Variants in CDYL2 observed in about 807,000 individuals in gnomAD.
CDYL2 encodes the protein chromodomain Y-like protein 2.
A neutral mutation model predicts 49.4 loss-of-function variants in CDYL2; 23 were observed. The ratio of observed to expected loss-of-function variants is 0.47; its 90% CI spans 0.34 to 0.66. CDYL2 has a LOEUF of 0.66. Among genes scored for constraint, CDYL2 ranks in the 30% least tolerant of loss-of-function variants. The pLI is 0.01. For synonymous variants in CDYL2, 360 were observed against 268.8 expected (o/e 1.34, Z -3.32); for missense variants, 678 against 656.4 (o/e 1.03, Z -0.36).
chr16:80,645,656 A>T (rs184431601), intron 2 of CDYL2, among the ~76,000 whole-genome samples: 114 of 152,288 alleles, frequency 7.5e-4, no homozygotes, highest in African/African-American at 2.4e-3. Context: ...AAGGATTATA[A>T]ATCATGCTGC....
intron 1 of CDYL2, among the ~76,000 whole-genome samples, chr16:80,733,679 A>G (rs193218110): frequency 5.3e-5 from 8 of 152,332 alleles, no homozygotes; most frequent in Admixed American, 5.2e-4. Flanking sequence ...CCACAAAGGA[A>G]GCTGCCCATA....
intron 1 of CDYL2, among the ~76,000 whole-genome samples, chr16:80,769,468 A>G (rs778713045): frequency 6.6e-6 from 1 of 152,228 alleles, no homozygotes; most frequent in Non-Finnish European, 1.5e-5. Flanking sequence ...GCCAAATAAA[A>G]GAAGAGTTAC....
At chr16:80,724,211 G>C (rs1337577358) in intron 1 of CDYL2, among the ~76,000 whole-genome samples, 1 of 145,498 alleles carries the variant, frequency 6.9e-6, no homozygotes, top group East Asian at 2.1e-4. Flanking sequence ...AGGAAGAGGA[G>C]AAGAAAGAGG....
At chr16:80,768,152 T>C (rs1476948904) in intron 1 of CDYL2, among the ~76,000 whole-genome samples, 8 of 152,170 alleles carry the variant, frequency 5.3e-5, no homozygotes, top group Non-Finnish European at 1.2e-4. Flanking sequence ...TCACAGCCCA[T>C]GTTCTTAGTA....
At chr16:80,617,665 C>T (rs976795509) in intron 4 of CDYL2, among the ~76,000 whole-genome samples, 8 of 152,114 alleles carry the variant, frequency 5.3e-5, no homozygotes, top group African/African-American at 1.9e-4. Flanking sequence ...CTTTCTAACC[C>T]CGGGAGCATC....
intron 1 of CDYL2, among the ~76,000 whole-genome samples, chr16:80,764,818 T>C (rs1186282420): frequency 6.6e-6 from 1 of 152,004 alleles, no homozygotes; most frequent in East Asian, 1.9e-4. Context: ...CCCAGCACTT[T>C]GTGAGGCCGA....
At position 80,612,051 on chromosome 16, in the gene CDYL2, C is replaced by T. The variant is rs1022899823; in HGVS notation, c.1218+575G>A. On this transcript the variant is annotated intron_variant, in intron 5 of 6. Transcript: ENST00000570137. The surrounding 1 kb of genome is among the most constrained non-coding windows in gnomAD (Gnocchi z 5.0). ...CCTTTCCCTCTTCTTGCTGGACATG[C>T]GCTGGGCTGCGTCTCCCGGCCTCCC... Among the ~76,000 whole-genome samples the T allele has an allele frequency of 5.9e-5, 9 of 152,200 alleles. No homozygotes were observed. The highest frequency in any genetic ancestry group is 1.9e-4 in the East Asian group (1 of 5,190).
intron 1 of CDYL2, among the ~76,000 whole-genome samples, chr16:80,792,530 T>C (rs963231444): frequency 1.3e-5 from 2 of 152,166 alleles, no homozygotes; most frequent in Non-Finnish European, 2.9e-5. Context: ...ACACCCAGGC[T>C]GCAACAAGAA....
chr16:80,773,511 T>A (rs1906976228), intron 1 of CDYL2, among the ~76,000 whole-genome samples: 1 of 152,168 alleles, frequency 6.6e-6, no homozygotes, highest in African/African-American at 2.4e-5. Context: ...TAGAATGCTG[T>A]GCCCAACAGC....
At chr16:80,674,261 G>C (rs901550692) in intron 2 of CDYL2, among the ~76,000 whole-genome samples, 1 of 152,142 alleles carries the variant, frequency 6.6e-6, no homozygotes, top group African/African-American at 2.4e-5. Context: ...AGCAATGCAC[G>C]TGTCTTCTTT....
intron 1 of CDYL2, among the ~76,000 whole-genome samples, chr16:80,712,446 C>T (rs967646575): frequency 6.6e-6 from 1 of 151,880 alleles, no homozygotes; most frequent in African/African-American, 2.4e-5. Context: ...CTCTCCATGT[C>T]GGCTGCGCCT....
At chr16:80,684,158 G>T (rs546294152) in intron 2 of CDYL2, among the ~76,000 whole-genome samples, 1 of 152,340 alleles carries the variant, frequency 6.6e-6, no homozygotes, top group Admixed American at 6.5e-5. Flanking sequence ...TCTGCACTGT[G>T]CCCTGGGAGG....
intron 1 of CDYL2, among the ~76,000 whole-genome samples, chr16:80,768,225 T>C (rs1906789969): frequency 6.6e-6 from 1 of 152,090 alleles, no homozygotes; most frequent in African/African-American, 2.4e-5. Context: ...CCTGACAATA[T>C]CCGAAACTTG....
chr16:80,650,560 TG>T (rs1320244521), intron 2 of CDYL2, among the ~76,000 whole-genome samples: 5 of 152,304 alleles, frequency 3.3e-5, no homozygotes, highest in African/African-American at 7.2e-5. Flanking sequence ...AACAGTTGGA[TG>T]GTTCCTCAAA....
chr16:80,688,483 C>T (rs1014084899), intron 1 of CDYL2, among the ~76,000 whole-genome samples: 17 of 152,066 alleles, frequency 1.1e-4, no homozygotes, highest in African/African-American at 3.6e-4. Context: ...TGGATGACTC[C>T]GATACATATG....
Position 80,683,220 on chromosome 16 carries a change from T to C in CDYL2, c.616+1318A>G, listed in dbSNP as rs141979705. Among the ~76,000 whole-genome samples the C allele has an allele frequency of 6.3e-3, 964 of 152,372 alleles. 10 individuals are homozygous for C. Among genetic ancestry groups the C allele is most frequent in the African/African-American group, 0.02 (835 of 41,592 alleles). On this transcript the variant is annotated intron_variant, in intron 2 of 6. Coordinates refer to ENST00000570137, the MANE Select transcript of CDYL2 (RefSeq NM_152342.4). Reference sequence around the variant, plus strand: ...CAGGGAATCTGATGGCCCTGCCCTGTTGGGCAATGGTTGTCCACACTCCTG... The same window carrying C: ...CAGGGAATCTGATGGCCCTGCCCTGCTGGGCAATGGTTGTCCACACTCCTG...
chr16:80,634,506 A>T (rs1340128916), intron 2 of CDYL2, among the ~76,000 whole-genome samples: 1 of 152,178 alleles, frequency 6.6e-6, no homozygotes, highest in Non-Finnish European at 1.5e-5. Context: ...TGGGGTGGGG[A>T]CATGGGTGAG....
chr16:80,777,944 C>G (rs1292258147), intron 1 of CDYL2, among the ~76,000 whole-genome samples: 3 of 150,224 alleles, frequency 2.0e-5, no homozygotes, highest in African/African-American at 7.3e-5. Flanking sequence ...CTGGCTGAAA[C>G]TTAGCATAAT....
At chr16:80,703,933 T>G (rs1904324027) in intron 1 of CDYL2, among the ~76,000 whole-genome samples, 1 of 152,094 alleles carries the variant, frequency 6.6e-6, no homozygotes, top group Non-Finnish European at 1.5e-5. Flanking sequence ...GCAGGGTGGG[T>G]GCGCCCATCA....
Sources: gnomAD v4.1 joint callset for allele counts (sites outside exome capture counted in the v4.1 genomes callset) on GRCh38, gnomAD v4.1.1 for gene constraint, Gnocchi (gnomAD v3.1) non-coding constraint, MANE v1.5 for transcripts, NCBI Gene and HGNC (gene_info 2026-07-23, HGNC 2026-07-21) for gene names.